COPG2: variants seen among roughly 807,000 people sequenced by gnomAD.
COPG2 encodes coatomer subunit gamma-2.
In COPG2, 37 loss-of-function variants were observed where a neutral mutation model predicts 46.3. That is an observed-to-expected ratio of 0.80 (90% CI 0.61 to 1.05). COPG2 has a LOEUF of 1.05. Ranked by LOEUF, COPG2 falls within the 50% of genes least tolerant of loss-of-function variation. The probability of loss-of-function intolerance (pLI) is 0.00; values close to 1 mark genes in which losing one functional copy is unlikely to be tolerated. For synonymous variants in COPG2, 159 were observed against 129.7 expected (o/e 1.23, Z -1.53); for missense variants, 427 against 387.8 (o/e 1.10, Z -0.85).
chr7:130,605,108 C>T (rs1005031607), intron 9 of COPG2: 6 of 485,134 alleles, frequency 1.2e-5, no homozygotes, highest in Admixed American at 6.8e-5. Context: ...GCCACTTGAT[C>T]TTATCCCACA....
intron 9 of COPG2, chr7:130,610,383 T>C (rs1794821167): frequency 2.8e-6 from 1 of 351,188 alleles, no homozygotes; most frequent in South Asian, 2.3e-5. Context: ...ACACCTCAGT[T>C]TGCCAGGCCA....
intron 20 of COPG2, chr7:130,511,448 T>G (rs1554440999): frequency 1.9e-6 from 1 of 519,824 alleles, no homozygotes; most frequent in African/African-American, 1.9e-5. Flanking sequence ...AATACACACC[T>G]ACCTGGAAAA....
chr7:130,577,282 C>T (rs1033228134), intron 9 of COPG2, among the ~76,000 whole-genome samples: 4 of 152,214 alleles, frequency 2.6e-5, no homozygotes, highest in African/African-American at 9.6e-5. Flanking sequence ...CTAGGGAGTG[C>T]CAGACAGTGG....
chr7:130,640,097 C>CACAA (rs781902291), intron 5 of COPG2, among the ~76,000 whole-genome samples: 12 of 149,420 alleles, frequency 8.0e-5, no homozygotes, highest in African/African-American at 2.4e-4. Context: ...ACAAGAAAAA[C>CACAA]ACAAACAAAC....
At chr7:130,608,979 C>T (rs918668774) in intron 9 of COPG2, among the ~76,000 whole-genome samples, 5 of 151,996 alleles carry the variant, frequency 3.3e-5, no homozygotes, top group Non-Finnish European at 5.9e-5. Context: ...CATGCTCAAC[C>T]GATCCTCCCA....
At chr7:130,603,341 T>C (rs567267845) in intron 9 of COPG2, among the ~76,000 whole-genome samples, 2 of 152,210 alleles carry the variant, frequency 1.3e-5, no homozygotes, top group Non-Finnish European at 2.9e-5. Flanking sequence ...AATTGTTCAT[T>C]TCCATTATTG....
rs1799488123 is a variant in COPG2 at position 130,506,500 on chromosome 7, A to G, written c.*176T>C. 4.7e-6 allele frequency: 2 copies of G among 427,964 alleles called. No individual in the cohort carries two copies. The highest frequency in any genetic ancestry group is 8.3e-6 in the Non-Finnish European group (2 of 240,526). The allele number at this position is 427,964 out of a possible 1,614,324, so 26.5% of individuals were successfully genotyped here. On this transcript the variant is annotated 3_prime_UTR_variant, in exon 24 of 24. Transcript: ENST00000425248. ...AGAATAAAAAGAAAAAAAAAAAAAA[A>G]CAACCCATGCGCAAAGATAGACATT...
At chr7:130,568,411 CTAT>C (rs1266502734) in intron 9 of COPG2, among the ~76,000 whole-genome samples, 1 of 152,130 alleles carries the variant, frequency 6.6e-6, no homozygotes, top group Non-Finnish European at 1.5e-5. Context: ...GCAGGAGTAG[CTAT>C]TATATCAGAC....
intron 5 of COPG2, among the ~76,000 whole-genome samples, chr7:130,648,440 C>T (rs1382656700): frequency 6.6e-6 from 1 of 152,152 alleles, no homozygotes; most frequent in Non-Finnish European, 1.5e-5. Context: ...TCCAAAATCT[C>T]ATCTAAATCT....
chr7:130,610,292 T>C (rs1250580124), intron 9 of COPG2, among the ~76,000 whole-genome samples: 1 of 152,242 alleles, frequency 6.6e-6, no homozygotes, highest in Non-Finnish European at 1.5e-5. Flanking sequence ...TGTTTACAAA[T>C]GATCTGAGGA....
chr7:130,536,765 C>G, intron 20 of COPG2, among the ~76,000 whole-genome samples: 1 of 152,134 alleles, frequency 6.6e-6, no homozygotes, highest in East Asian at 1.9e-4. Flanking sequence ...GGCACCGGGA[C>G]CATGGTGGTG....
intron 21 of COPG2, chr7:130,508,050 G>T: frequency 2.1e-6 from 1 of 476,266 alleles, no homozygotes; most frequent in East Asian, 3.6e-5. Context: ...CTGAGGTACA[G>T]AGTAGTCATG....
In COPG2 at chr7:130,549,790, C is replaced by CT. The variant is rs1328677552; in HGVS notation, c.1775-415dup. On this transcript the variant is annotated intron_variant, in intron 17 of 23. Transcript: ENST00000425248. ...TCTAACCACTAAACATTTATGACTT[C>CT]TTTTGTTTTTGTTTTTAAGTTTTAA... 2.7e-5 allele frequency among the ~76,000 whole-genome samples: 4 copies of CT among 148,554 alleles called. No individual in the cohort carries two copies. The Admixed American group carries it at 2.7e-4, about 10-fold the overall frequency.
chr7:130,583,493 TAAAAAAAA>T (rs782593413), intron 9 of COPG2, among the ~76,000 whole-genome samples: 5 of 34,368 alleles, frequency 1.5e-4, no homozygotes, highest in Non-Finnish European at 1.9e-4. Flanking sequence ...ACATAAAGTA[TAAAAAAAA>T]AAAAAAAAAA....
chr7:130,654,724 C>T (rs1795814990), intron 4 of COPG2, among the ~76,000 whole-genome samples: 1 of 151,966 alleles, frequency 6.6e-6, no homozygotes, highest in African/African-American at 2.4e-5. Flanking sequence ...AAAAAACTTC[C>T]AAAGTATTAC....
At chr7:130,623,279 C>G (rs139398565) in intron 5 of COPG2, among the ~76,000 whole-genome samples, 1 of 152,290 alleles carries the variant, frequency 6.6e-6, no homozygotes, top group African/African-American at 2.4e-5. Flanking sequence ...ATTTGGGGTA[C>G]AGATGGGATG....
intron 20 of COPG2, among the ~76,000 whole-genome samples, chr7:130,511,199 G>T (rs1554440960): frequency 2.0e-5 from 3 of 152,094 alleles, no homozygotes; most frequent in Non-Finnish European, 4.4e-5. Context: ...CAACCACCTG[G>T]GGGAGACCAT....
At chr7:130,640,142 T>TGCA (rs1288271604) in intron 5 of COPG2, among the ~76,000 whole-genome samples, 1 of 148,150 alleles carries the variant, frequency 6.7e-6, no homozygotes, top group Non-Finnish European at 1.5e-5. Context: ...CTCTCCAGCT[T>TGCA]GCAGTCACCA....
intron 20 of COPG2, among the ~76,000 whole-genome samples, chr7:130,529,819 G>C (rs1017870053): frequency 6.6e-6 from 1 of 152,228 alleles, no homozygotes; most frequent in Non-Finnish European, 1.5e-5. Context: ...CAGAGGAGCT[G>C]TTAGGACATA....
Sources: gnomAD v4.1 joint callset for allele counts (sites outside exome capture counted in the v4.1 genomes callset) on GRCh38, gnomAD v4.1.1 for gene constraint, MANE v1.5 for transcripts, NCBI Gene and HGNC (gene_info 2026-07-23, HGNC 2026-07-21) for gene names.